Variants in SMAD6 observed in about 807,000 individuals in gnomAD.
SMAD6 encodes the protein SMAD family member 6, also known as MAD homolog 6.
In SMAD6, 103 loss-of-function variants were observed where a neutral mutation model predicts 39.4. The ratio of observed to expected loss-of-function variants is 2.62; its 90% CI spans 2.23 to 3.08. The LOEUF (loss-of-function observed/expected upper bound fraction) is 3.08. Among genes scored for constraint, SMAD6 ranks in the 30% most tolerant of loss-of-function variants. The probability of loss-of-function intolerance (pLI) is 0.00; values close to 1 mark genes in which losing one functional copy is unlikely to be tolerated. For synonymous variants in SMAD6, 445 were observed against 353.3 expected (o/e 1.26, Z -2.91); for missense variants, 1,104 against 742.9 (o/e 1.49, Z -5.65).
Position 66,703,540 on chromosome 15 carries a change from G to A in SMAD6, c.282G>A (p.Ser94=), listed in dbSNP as rs1355038922. Reference sequence around the variant, plus strand: ...CAGGGGGCCCCCCGAGGCCCATGTCGGAGCCAGGGGCCGGCGCTGGGAGCT... The same window carrying A: ...CAGGGGGCCCCCCGAGGCCCATGTCAGAGCCAGGGGCCGGCGCTGGGAGCT... The part of the protein sequence containing the change: ...RRAGGPPRPM[S]EPGAGAGSSL... The change falls in exon 1 of 4, where the codon TCG becomes TCA. Residue 94 remains serine (S), a synonymous_variant. Transcript: ENST00000288840. The A allele has an allele frequency of 4.1e-6, 5 of 1,221,378 alleles. No individual in the cohort carries two copies. The highest frequency in any genetic ancestry group is 5.1e-6 in the Non-Finnish European group (5 of 978,948). 75.7% of individuals were successfully genotyped at this position (1,221,378 alleles called of 1,614,324 possible). A position where few individuals can be genotyped will look rare whatever the true frequency, so the allele number is the denominator to read the frequency against.
intron 3 of SMAD6, among the ~76,000 whole-genome samples, chr15:66,730,742 CCTA>C (rs1893612674): frequency 6.6e-6 from 1 of 152,190 alleles, no homozygotes; most frequent in African/African-American, 2.4e-5. Flanking sequence ...CTTATTTAGT[CCTA>C]CCAACAAGAC....
intron 1 of SMAD6, among the ~76,000 whole-genome samples, chr15:66,709,431 A>T (rs1372464531): frequency 6.6e-6 from 1 of 152,170 alleles, no homozygotes; most frequent in East Asian, 1.9e-4. Flanking sequence ...GTGGGACTTC[A>T]TGAGCCTTTC....
intron 3 of SMAD6, among the ~76,000 whole-genome samples, chr15:66,777,282 G>A (rs1894483282): frequency 6.6e-6 from 1 of 152,182 alleles, no homozygotes; most frequent in African/African-American, 2.4e-5. Context: ...AGTGCCCTAG[G>A]GCCTGAGCCC....
At chr15:66,743,682 A>C (rs890010289) in intron 3 of SMAD6, among the ~76,000 whole-genome samples, 47 of 152,154 alleles carry the variant, frequency 3.1e-4, no homozygotes, top group African/African-American at 9.9e-4. Context: ...CTAAAAGAAA[A>C]TAATTATATT....
At chr15:66,713,227 A>G (rs934191084) in intron 2 of SMAD6, among the ~76,000 whole-genome samples, 1 of 152,218 alleles carries the variant, frequency 6.6e-6, no homozygotes, top group Non-Finnish European at 1.5e-5. Flanking sequence ...ATGCTGCAAC[A>G]TTCCACCAAG....
intron 3 of SMAD6, among the ~76,000 whole-genome samples, chr15:66,760,887 C>T (rs1467454655): frequency 2.6e-5 from 4 of 152,164 alleles, no homozygotes; most frequent in Non-Finnish European, 5.9e-5. Context: ...CTAACTCCCT[C>T]CCCACCATGC....
rs1299492423 is a variant in SMAD6 at position 66,703,863 on chromosome 15, C to T, written c.605C>T (p.Pro202Leu). Reference protein sequence around the residue: ...LEAVESRGGVPGGCVLVPRAD... With the variant: ...LEAVESRGGVLGGCVLVPRAD... ...GCGGTGGAGTCCCGCGGCGGCGTGC[C>T]GGGCGGCTGCGTGCTGGTGCCGCGC... The change falls in exon 1 of 4, where the codon CCG (proline) becomes CTG (leucine). Residue 202 changes from proline (P) to leucine (L), a missense_variant. Coordinates refer to ENST00000288840, the MANE Select transcript of SMAD6 (RefSeq NM_005585.5). 5 of 1,340,084 alleles carry T rather than the reference C, an allele frequency of 3.7e-6. No individual in the cohort carries two copies. The highest frequency in any genetic ancestry group is 5.3e-5 in the Admixed American group (2 of 37,734). The allele number at this position is 1,340,084 out of a possible 1,614,324, so 83.0% of individuals were successfully genotyped here.
chr15:66,766,113 C>T (rs925783493), intron 3 of SMAD6, among the ~76,000 whole-genome samples: 1 of 152,308 alleles, frequency 6.6e-6, no homozygotes, highest in East Asian at 1.9e-4. Flanking sequence ...CTGAATTACT[C>T]AGGATCCTCC....
intron 3 of SMAD6, among the ~76,000 whole-genome samples, chr15:66,759,103 A>ACTCGGTAAAAACAG (rs1362474013): frequency 2.0e-5 from 3 of 152,116 alleles, no homozygotes; most frequent in Admixed American, 6.6e-5. Context: ...TTCCAACAAA[A>ACTCGGTAAAAACAG]CTCGGTAAAA....
At chr15:66,767,099 G>C (rs1337830921) in intron 3 of SMAD6, among the ~76,000 whole-genome samples, 1 of 152,246 alleles carries the variant, frequency 6.6e-6, no homozygotes, top group Non-Finnish European at 1.5e-5. Context: ...GCGGGAGGCA[G>C]TGGCATTGGA....
At chr15:66,741,236 A>G (rs983116445) in intron 3 of SMAD6, 1 of 152,270 alleles carries the variant, frequency 6.6e-6, no homozygotes, top group Non-Finnish European at 1.5e-5. Flanking sequence ...CAGGGCAACC[A>G]GACAAGAAAG....
chr15:66,742,639 A>G (rs574125263), intron 3 of SMAD6, among the ~76,000 whole-genome samples: 5 of 152,220 alleles, frequency 3.3e-5, no homozygotes, highest in South Asian at 2.1e-4. Context: ...TTCAGCCACA[A>G]TTGACCCCAT....
chr15:66,762,679 C>T (rs1894221294), intron 3 of SMAD6, among the ~76,000 whole-genome samples: 2 of 152,034 alleles, frequency 1.3e-5, no homozygotes, highest in Non-Finnish European at 2.9e-5. Context: ...GGAAAGAGGG[C>T]TGAACTCAGT....
intron 3 of SMAD6, among the ~76,000 whole-genome samples, chr15:66,722,265 A>G (rs1461001860): frequency 1.3e-5 from 2 of 152,208 alleles, no homozygotes; most frequent in African/African-American, 4.8e-5. Context: ...GAGAGTGCTC[A>G]TTGCCTGTGG....
Position 66,702,858 on chromosome 15 carries a change from G to A in SMAD6, c.-401G>A, listed in dbSNP as rs1015469253. The A allele has an allele frequency of 2.3e-5, 4 of 177,418 alleles. No individual in the cohort carries two copies. The highest frequency in any genetic ancestry group is 9.4e-5 in the African/African-American group (4 of 42,538). The allele number at this position is 177,418 out of a possible 1,614,324, so 11.0% of individuals were successfully genotyped here. A position where few individuals can be genotyped will look rare whatever the true frequency, so the allele number is the denominator to read the frequency against. ...GGCAGGGCTTTCCAGACACATTTAG[G>A]GGTTCGCGCGAGCGCTTTGTGCTCA... On this transcript the variant is annotated 5_prime_UTR_variant, in exon 1 of 4. Transcript: ENST00000288840.
At chr15:66,740,817 T>TA (rs1250946904) in intron 3 of SMAD6, 2 of 152,216 alleles carry the variant, frequency 1.3e-5, no homozygotes, top group Non-Finnish European at 2.9e-5. Flanking sequence ...TTTGCTTGCT[T>TA]TTCTTCCTCC....
intron 1 of SMAD6, among the ~76,000 whole-genome samples, chr15:66,711,344 A>T (rs545852819): frequency 1.3e-5 from 2 of 152,212 alleles, no homozygotes; most frequent in Non-Finnish European, 2.9e-5. Flanking sequence ...AGCATTTTAC[A>T]TACATTATCC....
At chr15:66,739,714 A>G (rs951584161) in intron 3 of SMAD6, among the ~76,000 whole-genome samples, 1 of 152,234 alleles carries the variant, frequency 6.6e-6, no homozygotes, top group Non-Finnish European at 1.5e-5. Flanking sequence ...GAAAAGTGCA[A>G]AGAGATGCGG....
intron 3 of SMAD6, among the ~76,000 whole-genome samples, chr15:66,757,945 C>A (rs541653484): frequency 6.6e-6 from 1 of 152,344 alleles, no homozygotes; most frequent in African/African-American, 2.4e-5. Context: ...ACAGCACTTT[C>A]CCGTGGCCAC....
Sources: gnomAD v4.1 joint callset for allele counts (sites outside exome capture counted in the v4.1 genomes callset) on GRCh38, gnomAD v4.1.1 for gene constraint, MANE v1.5 for transcripts, NCBI Gene and HGNC (gene_info 2026-07-23, HGNC 2026-07-21) for gene names.